RTRAF: variants seen among roughly 807,000 people sequenced by gnomAD.
RTRAF encodes RNA transcription, translation and transport factor, also known as tRNA-splicing ligase complex subunit RTRAF.
Under a neutral mutation model 34.4 loss-of-function variants are expected in RTRAF, and 14 were observed. That is an observed-to-expected ratio of 0.41 (90% confidence interval 0.27 to 0.64). RTRAF has a LOEUF of 0.64. Among genes scored for constraint, RTRAF ranks in the 30% least tolerant of loss-of-function variants. The pLI, the probability that RTRAF is intolerant of heterozygous loss-of-function variation, is 0.34. For missense variants in RTRAF, 291 were observed against 288.4 expected (o/e 1.01, Z -0.06); for synonymous variants, 96 against 95.3 (o/e 1.01, Z -0.04).
intron 3 of RTRAF, among the ~76,000 whole-genome samples, chr14:51,995,955 G>A (rs961343674): frequency 6.6e-6 from 1 of 152,012 alleles, no homozygotes; most frequent in Non-Finnish European, 1.5e-5. Flanking sequence ...GAGCCAATTT[G>A]TAGCTTATCA....
chr14:51,991,144 T>A (rs1594983888), intron 1 of RTRAF, among the ~76,000 whole-genome samples, 173 bp from the exon 2 acceptor site: 1 of 152,194 alleles, frequency 6.6e-6, no homozygotes, highest in Admixed American at 6.5e-5. Flanking sequence ...AGATCATTGT[T>A]AATCTGTACT....
intron 5 of RTRAF, among the ~76,000 whole-genome samples, chr14:52,000,315 C>T (rs1042687998): frequency 3.3e-5 from 5 of 151,964 alleles, no homozygotes; most frequent in East Asian, 3.9e-4. Context: ...TCTTTCTGTC[C>T]CCGATGCTAG....
rs934435697 is a variant in RTRAF at position 52,004,652 on chromosome 14, CATTGCTT to C, written c.*144_*150del. On this transcript the variant is annotated 3_prime_UTR_variant, in exon 8 of 8. Coordinates refer to ENST00000261700, the MANE Select transcript of RTRAF (RefSeq NM_016039.3). ...TGGGTATGTTCTAGAGATTTACCAC[CATTGCTT>C]ATTGCTTTTTTCTTTAATAAAGTTT... The C allele has an allele frequency of 4.7e-5, 34 of 725,654 alleles. No individual in the cohort carries two copies. Among genetic ancestry groups the C allele is most frequent in the African/African-American group, 3.8e-4 (21 of 55,246 alleles). The allele number at this position is 725,654 out of a possible 1,614,324, so 45.0% of individuals were successfully genotyped here.
intron 6 of RTRAF, among the ~76,000 whole-genome samples, chr14:52,003,109 TAATGCTCCC>T (rs1190425984): frequency 6.6e-6 from 1 of 152,234 alleles, no homozygotes; most frequent in Non-Finnish European, 1.5e-5. Flanking sequence ...GTTTTATTTT[TAATGCTCCC>T]AATTTTAATT....
chr14:51,997,619 T>C (rs1258231526), intron 3 of RTRAF, among the ~76,000 whole-genome samples: 9 of 151,906 alleles, frequency 5.9e-5, no homozygotes, highest in African/African-American at 2.2e-4. Flanking sequence ...CTTTGAAGTA[T>C]TGTTTTTCAA....
rs1180889087 is a variant in RTRAF at position 52,004,756 on chromosome 14, T to TATGCCAACC, written c.*241_*249dup. Reference sequence around the variant, plus strand: ...CTTTCTCCTTTGTGGTTAAGGCATATATGCCAACCCCCAGCTTTGTCCTAG... The same window carrying TATGCCAACC: ...CTTTCTCCTTTGTGGTTAAGGCATATATGCCAACCATGCCAACCCCCAGCTTTGTCCTAG... On this transcript the variant is annotated 3_prime_UTR_variant, in exon 8 of 8. Transcript: ENST00000261700. The TATGCCAACC allele has an allele frequency of 8.3e-5, 31 of 374,936 alleles. No individual in the cohort carries two copies. The highest frequency in any genetic ancestry group is 1.2e-4 in the Non-Finnish European group (25 of 211,802). The allele number at this position is 374,936 out of a possible 1,614,324, so 23.2% of individuals were successfully genotyped here.
chr14:52,005,470 C>A lies in RTRAF; in HGVS notation c.*954C>A, dbSNP rs1594991712. ...TTCTGATTGTAAACTCCAAGTCTTC[C>A]TTTACATTACTGTACTTACTTTCTT... is the stretch of plus-strand genomic sequence containing the variant. On this transcript the variant is annotated 3_prime_UTR_variant, in exon 8 of 8. Coordinates refer to ENST00000261700, the MANE Select transcript of RTRAF (RefSeq NM_016039.3). 2.5e-6 allele frequency: 4 copies of A among 1,585,540 alleles called. No individual in the cohort carries two copies. In the East Asian group the frequency reaches 8.9e-5, roughly 35 times the overall value.
At position 52,010,263 on chromosome 14, in the gene RTRAF, A is replaced by G. The variant is rs1365990173; in HGVS notation, c.*5747A>G. 1 of 152,236 alleles carries G rather than the reference A, an allele frequency of 6.6e-6. No homozygotes were observed. The highest frequency in any genetic ancestry group is 1.5e-5 in the Non-Finnish European group (1 of 68,052). The allele number at this position is 152,236 out of a possible 1,614,324, so 9.4% of individuals were successfully genotyped here. A position where few individuals can be genotyped will look rare whatever the true frequency, so the allele number is the denominator to read the frequency against. On this transcript the variant is annotated 3_prime_UTR_variant, in exon 8 of 8. Coordinates refer to ENST00000261700, the MANE Select transcript of RTRAF (RefSeq NM_016039.3). ...AGGGCATCTGGGAATTTCATTTCGT[A>G]GAAACTCCACTTAAACATGGCAAGA...
chr14:52,005,151 G>C lies in RTRAF; in HGVS notation c.*635G>C. The C allele has an allele frequency of 4.8e-6, 1 of 210,092 alleles. No homozygotes were observed. Among genetic ancestry groups the C allele is most frequent in the African/African-American group, 2.3e-5 (1 of 43,638 alleles). The allele number at this position is 210,092 out of a possible 1,614,324, so 13.0% of individuals were successfully genotyped here. On this transcript the variant is annotated 3_prime_UTR_variant, in exon 8 of 8. Transcript: ENST00000261700. ...AGAAGGAATCCATGGCAAAAATCAG[G>C]TTTAGAGTCTTAAACTCTAATTCTT...
intron 3 of RTRAF, among the ~76,000 whole-genome samples, chr14:51,997,670 A>G (rs555060252): frequency 6.6e-6 from 1 of 151,996 alleles, no homozygotes; most frequent in African/African-American, 2.4e-5. Flanking sequence ...CTGAATTTCA[A>G]GTTTCCATGA....
rs773106709 is a variant in RTRAF, at chr14:51,991,447, G to T, written c.186+6G>T. ...GGCCCAAGTTCTTTGAAAAGGTAAT[G>T]AATTAGGAAGTAAAGTAAAAATACA... On this transcript the variant is annotated splice_donor_region_variant and intron_variant, in intron 2 of 7. Transcript: ENST00000261700. 1 of 1,605,790 alleles carries T rather than the reference G, an allele frequency of 6.2e-7. No homozygotes were observed. Among genetic ancestry groups the T allele is most frequent in the East Asian group, 2.2e-5 (1 of 44,790 alleles).
Position 52,005,422 on chromosome 14 carries a change from G to A in RTRAF, c.*906G>A. 4 of 1,457,546 alleles carry A rather than the reference G, an allele frequency of 2.7e-6. No individual in the cohort carries two copies. The highest frequency in any genetic ancestry group is 2.8e-6 in the Non-Finnish European group (3 of 1,090,540). 90.3% of individuals were successfully genotyped at this position (1,457,546 alleles called of 1,614,324 possible). On this transcript the variant is annotated 3_prime_UTR_variant, in exon 8 of 8. Coordinates refer to ENST00000261700, the MANE Select transcript of RTRAF (RefSeq NM_016039.3). ...CTTTTTTACTTTCTTTGCCTTTGCA[G>A]TCACTGTTCTTTAGGGTCCAGGTTC...
At position 52,005,207 on chromosome 14, in the gene RTRAF, ATG is replaced by A. The variant is rs1890715300; in HGVS notation, c.*692_*693del. On this transcript the variant is annotated 3_prime_UTR_variant, in exon 8 of 8. Transcript: ENST00000261700. ...AATGAATTTGATCTTTTAAATATTA[ATG>A]ATAAATGTTTACAAGAAGTTGCTTT... The A allele has an allele frequency of 6.3e-6, 2 of 318,032 alleles. No homozygotes were observed. Among genetic ancestry groups the A allele is most frequent in the Non-Finnish European group, 1.1e-5 (2 of 175,044 alleles). 19.7% of individuals were successfully genotyped at this position (318,032 alleles called of 1,614,324 possible).
Position 52,004,739 on chromosome 14 carries a change from T to G in RTRAF, c.*223T>G, listed in dbSNP as rs973253252. Reference sequence around the variant, plus strand: ...ATGTTTGCATAAATCACCTTTCTCCTTTGTGGTTAAGGCATATATGCCAAC... The same window carrying G: ...ATGTTTGCATAAATCACCTTTCTCCGTTGTGGTTAAGGCATATATGCCAAC... On this transcript the variant is annotated 3_prime_UTR_variant, in exon 8 of 8. Coordinates refer to ENST00000261700, the MANE Select transcript of RTRAF (RefSeq NM_016039.3). The G allele has an allele frequency of 4.7e-6, 2 of 423,426 alleles. No individual in the cohort carries two copies. The highest frequency in any genetic ancestry group is 4.1e-5 in the African/African-American group (2 of 48,860). The allele number at this position is 423,426 out of a possible 1,614,324, so 26.2% of individuals were successfully genotyped here. A position where few individuals can be genotyped will look rare whatever the true frequency, so the allele number is the denominator to read the frequency against.
chr14:51,995,270 T>C (rs1594985540), intron 3 of RTRAF, among the ~76,000 whole-genome samples: 1 of 152,194 alleles, frequency 6.6e-6, no homozygotes, highest in African/African-American at 2.4e-5. Context: ...GCAAGGCAGG[T>C]TCCTTTTGGA....
intron 3 of RTRAF, among the ~76,000 whole-genome samples, chr14:51,997,368 G>A (rs1167522464): frequency 6.6e-6 from 1 of 151,836 alleles, no homozygotes; most frequent in South Asian, 2.1e-4. Context: ...GTTTAAATCA[G>A]TATAGATACA....
chr14:51,989,576 C>T lies in RTRAF; in HGVS notation c.-64C>T. ...GCCGCGTCGCCGGTGCCTGCGCCTCCCGCTCCACCTCGCTTCTTCTCTCCC... is the reference window on the plus strand; with the variant it reads ...GCCGCGTCGCCGGTGCCTGCGCCTCTCGCTCCACCTCGCTTCTTCTCTCCC... On this transcript the variant is annotated 5_prime_UTR_variant, in exon 1 of 8. Coordinates refer to ENST00000261700, the MANE Select transcript of RTRAF (RefSeq NM_016039.3). The T allele has an allele frequency of 6.6e-7, 1 of 1,526,090 alleles. No homozygotes were observed. The highest frequency in any genetic ancestry group is 8.9e-7 in the Non-Finnish European group (1 of 1,129,736). The allele number at this position is 1,526,090 out of a possible 1,614,324, so 94.5% of individuals were successfully genotyped here.
At position 51,989,600 on chromosome 14, in the gene RTRAF, C is replaced by T. The variant is rs926370413; in HGVS notation, c.-40C>T. On this transcript the variant is annotated 5_prime_UTR_variant, in exon 1 of 8. Transcript: ENST00000261700. Reference sequence around the variant, plus strand: ...CCCGCTCCACCTCGCTTCTTCTCTCCCGGCCGAGGCCCGGGGGACCAGAGC... The same window carrying T: ...CCCGCTCCACCTCGCTTCTTCTCTCTCGGCCGAGGCCCGGGGGACCAGAGC... The T allele has an allele frequency of 6.4e-7, 1 of 1,567,748 alleles. No individual in the cohort carries two copies. Among genetic ancestry groups the T allele is most frequent in the Non-Finnish European group, 8.6e-7 (1 of 1,157,052 alleles).
In RTRAF at chr14:52,005,284, CCTT is replaced by C; in HGVS notation, c.*770_*772del. On this transcript the variant is annotated 3_prime_UTR_variant, in exon 8 of 8. Coordinates refer to ENST00000261700, the MANE Select transcript of RTRAF (RefSeq NM_016039.3). ...TACCTTTTTAAACTTGCAATAACAA[CCTT>C]CATTTTTAAAAATACAGTAGTAAAG... The C allele has an allele frequency of 4.8e-6, 2 of 414,310 alleles. No homozygotes were observed. Among genetic ancestry groups the C allele is most frequent in the Non-Finnish European group, 8.4e-6 (2 of 237,748 alleles). The allele number at this position is 414,310 out of a possible 1,614,324, so 25.7% of individuals were successfully genotyped here. A position where few individuals can be genotyped will look rare whatever the true frequency, so the allele number is the denominator to read the frequency against.
Sources: allele counts gnomAD v4.1 joint callset (sites outside exome capture counted in the v4.1 genomes callset), GRCh38; gene constraint gnomAD v4.1.1; transcripts MANE v1.5; gene names NCBI Gene and HGNC (gene_info 2026-07-23, HGNC 2026-07-21).